Variants in FOXK1 observed in about 807,000 individuals in gnomAD.
FOXK1 encodes forkhead box protein K1.
Under a neutral mutation model 51.9 loss-of-function variants are expected in FOXK1, and 19 were observed. That is an observed-to-expected ratio of 0.37 (90% CI 0.26 to 0.54). FOXK1 has a LOEUF of 0.54. Among genes scored for constraint, FOXK1 ranks in the 20% least tolerant of loss-of-function variants. The pLI, the probability that FOXK1 is intolerant of heterozygous loss-of-function variation, is 0.87. For synonymous variants in FOXK1, 537 were observed against 482.6 expected (o/e 1.11, Z -1.48); for missense variants, 870 against 1,032.7 (o/e 0.84, Z 2.16).
Position 4,735,067 on chromosome 7 carries a change from G to A in FOXK1, c.561-5771G>A, listed in dbSNP as rs1029835681. Among the ~76,000 whole-genome samples the A allele has an allele frequency of 1.3e-5, 2 of 152,204 alleles. No homozygotes were observed. Among genetic ancestry groups the A allele is most frequent in the African/African-American group, 4.8e-5 (2 of 41,446 alleles). The stretch of plus-strand genomic sequence containing the variant: ...GACAGCTTTCTGTTTGGCCGGGCAG[G>A]TGGTAGGATTTGTGGCCTAGGGAGG... On this transcript the variant is annotated intron_variant, in intron 1 of 8. Coordinates refer to ENST00000328914, the MANE Select transcript of FOXK1 (RefSeq NM_001037165.2). The surrounding 1 kb of genome is among the most constrained non-coding windows in gnomAD (Gnocchi z 4.7).
At chr7:4,697,843 G>T (rs1011262052) in intron 1 of FOXK1, among the ~76,000 whole-genome samples, 2 of 147,374 alleles carry the variant, frequency 1.4e-5, no homozygotes, top group East Asian at 4.0e-4. Flanking sequence ...TTTTTATTTT[G>T]AGATGGAGTC....
rs1456690812 is a variant in FOXK1, at chr7:4,709,398, A to G, written c.560+26530A>G. Among the ~76,000 whole-genome samples, 2 of 152,168 alleles carry G rather than the reference A, an allele frequency of 1.3e-5. No individual in the cohort carries two copies. Among genetic ancestry groups the G allele is most frequent in the Non-Finnish European group, 2.9e-5 (2 of 68,032 alleles). On this transcript the variant is annotated intron_variant, in intron 1 of 8. Transcript: ENST00000328914. This position sits in a 1 kb window ranked among gnomAD's most constrained non-coding sequence, Gnocchi z 5.6. ...CCGCTTCCATTCTCAGGGTCTGGACAGGGCCAGGCTCTTCCCAAGCGCACA... is the reference window on the plus strand; with the variant it reads ...CCGCTTCCATTCTCAGGGTCTGGACGGGGCCAGGCTCTTCCCAAGCGCACA...
intron 2 of FOXK1, among the ~76,000 whole-genome samples, chr7:4,746,816 G>T (rs1045197810): frequency 2.0e-5 from 3 of 152,216 alleles, no homozygotes; most frequent in African/African-American, 7.2e-5. Flanking sequence ...GGCTGATCTG[G>T]GCTGGCTGTG....
chr7:4,759,654 A>T, intron 7 of FOXK1, 59 bp downstream of exon 7: 4 of 1,492,642 alleles, frequency 2.7e-6, no homozygotes, highest in Non-Finnish European at 3.6e-6. Context: ...CCGGCCGGCA[A>T]GTCCCCAAGG....
At chr7:4,687,989 C>T (rs1383638537) in intron 1 of FOXK1, among the ~76,000 whole-genome samples, 2 of 152,118 alleles carry the variant, frequency 1.3e-5, no homozygotes, top group Non-Finnish European at 2.9e-5. Flanking sequence ...ACCTTGGCCT[C>T]CTAAAGTGTT....
rs544533194 is a variant in FOXK1 at position 4,749,404 on chromosome 7, C to T, written c.747-5055C>T. On this transcript the variant is annotated intron_variant, in intron 2 of 8. Coordinates refer to ENST00000328914, the MANE Select transcript of FOXK1 (RefSeq NM_001037165.2). The surrounding 1 kb of genome is among the most constrained non-coding windows in gnomAD (Gnocchi z 6.0). ...TGAGGTCCTAAAAACCCTCTTAGAGCGGCTGGTATTGGAGCAGGGGCTGGG... is the reference window on the plus strand; with the variant it reads ...TGAGGTCCTAAAAACCCTCTTAGAGTGGCTGGTATTGGAGCAGGGGCTGGG... 9.8e-4 allele frequency among the ~76,000 whole-genome samples: 150 copies of T among 152,314 alleles called. No homozygotes were observed. Among genetic ancestry groups the T allele is most frequent in the African/African-American group, 3.4e-3 (141 of 41,576 alleles).
chr7:4,750,915 G>A (rs766951146), intron 2 of FOXK1, among the ~76,000 whole-genome samples: 1 of 151,868 alleles, frequency 6.6e-6, no homozygotes, highest in Non-Finnish European at 1.5e-5. Flanking sequence ...AATCGGGCAG[G>A]CTGGTCTCGA....
rs1254677660 is a variant in FOXK1, at chr7:4,762,032, C to T, written c.1922-152C>T. The T allele has an allele frequency of 6.8e-6, 6 of 887,032 alleles. No homozygotes were observed. The highest frequency in any genetic ancestry group is 1.8e-5 in the South Asian group (1 of 57,036). 54.9% of individuals were successfully genotyped at this position (887,032 alleles called of 1,614,324 possible). On this transcript the variant is annotated intron_variant, in intron 8 of 8. Transcript: ENST00000328914. This position sits in a 1 kb window ranked among gnomAD's most constrained non-coding sequence, Gnocchi z 5.7. ...GGTGGGGAGGGGACGGCAGGGCCCG[C>T]AGGGAGCAGAGCAAGGGTAGCCGTC...
At chr7:4,752,441 G>A (rs1022106681) in intron 2 of FOXK1, among the ~76,000 whole-genome samples, 9 of 152,248 alleles carry the variant, frequency 5.9e-5, no homozygotes, top group East Asian at 3.8e-4. Flanking sequence ...CACCGCACCC[G>A]GCAGACATGA....
rs566674551 is a variant in FOXK1, at chr7:4,695,822, G to T, written c.560+12954G>T. Among the ~76,000 whole-genome samples, 4 of 152,178 alleles carry T rather than the reference G, an allele frequency of 2.6e-5. No individual in the cohort carries two copies. The East Asian group carries it at 7.7e-4, about 29-fold the overall frequency. ...GTGGTGGCGCATGCCTGTAATCCCA[G>T]CTACTTGGGAGGCTGAGGCAGGAGA... On this transcript the variant is annotated intron_variant, in intron 1 of 8. Coordinates refer to ENST00000328914, the MANE Select transcript of FOXK1 (RefSeq NM_001037165.2).
Position 4,756,367 on chromosome 7 carries a change from C to G in FOXK1, c.1051-627C>G, listed in dbSNP as rs116582946. On this transcript the variant is annotated intron_variant, in intron 4 of 8. Coordinates refer to ENST00000328914, the MANE Select transcript of FOXK1 (RefSeq NM_001037165.2). This position sits in a 1 kb window ranked among gnomAD's most constrained non-coding sequence, Gnocchi z 4.1. ...TGACCTCAGGTAATCCTGCCAGCCT[C>G]GGCTTCCCAAAGTGCTGGGATTACA... 6.6e-6 allele frequency among the ~76,000 whole-genome samples: 1 copy of G among 151,982 alleles called. No individual in the cohort carries two copies. The highest frequency in any genetic ancestry group is 2.4e-5 in the African/African-American group (1 of 41,382).
At chr7:4,692,616 A>G (rs1354379309) in intron 1 of FOXK1, among the ~76,000 whole-genome samples, 2 of 152,024 alleles carry the variant, frequency 1.3e-5, no homozygotes, top group Non-Finnish European at 2.9e-5. Flanking sequence ...GCTGGTCTCG[A>G]ACTCCTAACC....
intron 1 of FOXK1, among the ~76,000 whole-genome samples, chr7:4,692,396 T>C (rs934614937): frequency 6.6e-6 from 1 of 152,218 alleles, no homozygotes; most frequent in African/African-American, 2.4e-5. Context: ...TAGTTTCTTT[T>C]TTTGTTGTTT....
Position 4,770,637 on chromosome 7 carries a change from C to A in FOXK1, c.*8173C>A, listed in dbSNP as rs1316256792. On this transcript the variant is annotated 3_prime_UTR_variant, in exon 9 of 9. Transcript: ENST00000328914. ...CATGTATGTGGCTTGATTTCTGTTT[C>A]AGGAAAAGGGGGGCGGGAGGAGAGA... is the stretch of plus-strand genomic sequence containing the variant. 1 of 151,900 alleles carries A rather than the reference C, an allele frequency of 6.6e-6. No homozygotes were observed. Among genetic ancestry groups the A allele is most frequent in the East Asian group, 1.9e-4 (1 of 5,184 alleles). The allele number at this position is 151,900 out of a possible 1,614,324, so 9.4% of individuals were successfully genotyped here. A position where few individuals can be genotyped will look rare whatever the true frequency, so the allele number is the denominator to read the frequency against.
chr7:4,687,835 T>C (rs1242329270), intron 1 of FOXK1, among the ~76,000 whole-genome samples: 5 of 152,158 alleles, frequency 3.3e-5, no homozygotes, highest in African/African-American at 1.2e-4. Flanking sequence ...GGGTGTCTTT[T>C]TTTCTTTATA....
At position 4,715,546 on chromosome 7, in the gene FOXK1, C is replaced by A. The variant is rs1290612795; in HGVS notation, c.561-25292C>A. 3.3e-5 allele frequency among the ~76,000 whole-genome samples: 5 copies of A among 152,202 alleles called. No individual in the cohort carries two copies. Among genetic ancestry groups the A allele is most frequent in the African/African-American group, 1.2e-4 (5 of 41,442 alleles). On this transcript the variant is annotated intron_variant, in intron 1 of 8. Coordinates refer to ENST00000328914, the MANE Select transcript of FOXK1 (RefSeq NM_001037165.2). This position sits in a 1 kb window ranked among gnomAD's most constrained non-coding sequence, Gnocchi z 4.5. ...TCTTCATCTATCAGCAGTCAGCTTT[C>A]CACTTAAGCAGAGCCAAGTTTAGAA...
intron 1 of FOXK1, among the ~76,000 whole-genome samples, chr7:4,728,139 C>T (rs1040751931): frequency 3.9e-5 from 6 of 152,174 alleles, no homozygotes; most frequent in African/African-American, 1.2e-4. Flanking sequence ...CTGTTTGGAG[C>T]AGTTCTGTTG....
chr7:4,761,343 A>G lies in FOXK1; in HGVS notation c.1921+55A>G. 2 of 1,523,020 alleles carry G rather than the reference A, an allele frequency of 1.3e-6. No individual in the cohort carries two copies. The highest frequency in any genetic ancestry group is 1.8e-6 in the Non-Finnish European group (2 of 1,117,140). The allele number at this position is 1,523,020 out of a possible 1,614,324, so 94.3% of individuals were successfully genotyped here. ...CATCCCAAGCTCTGTGGCTCCCAGT[A>G]GTCAGTGCGGCATGAGAATGTTCTC... is the stretch of plus-strand genomic sequence containing the variant. On this transcript the variant is annotated intron_variant, in intron 8 of 8. Coordinates refer to ENST00000328914, the MANE Select transcript of FOXK1 (RefSeq NM_001037165.2). This position sits in a 1 kb window ranked among gnomAD's most constrained non-coding sequence, Gnocchi z 6.2.
chr7:4,725,972 AAGCCATTT>A (rs1209644694), intron 1 of FOXK1, among the ~76,000 whole-genome samples: 4 of 151,542 alleles, frequency 2.6e-5, no homozygotes, highest in African/African-American at 9.7e-5. Flanking sequence ...GTGATTTGTC[AAGCCATTT>A]AGACACTGTC....
Sources: gnomAD v4.1 joint callset for allele counts (sites outside exome capture counted in the v4.1 genomes callset) on GRCh38, gnomAD v4.1.1 for gene constraint, Gnocchi (gnomAD v3.1) non-coding constraint, MANE v1.5 for transcripts, NCBI Gene and HGNC (gene_info 2026-07-23, HGNC 2026-07-21) for gene names.